Variants in DOK5 observed in about 807,000 individuals in gnomAD.
The protein encoded by DOK5 is docking protein 5.
In DOK5, 27 loss-of-function variants were observed where a neutral mutation model predicts 43.3. The ratio of observed to expected loss-of-function variants is 0.62; its 90% CI spans 0.46 to 0.86. DOK5 has a LOEUF of 0.86. Among genes scored for constraint, DOK5 ranks in the 40% least tolerant of loss-of-function variants. The probability of loss-of-function intolerance (pLI) is 0.00; values close to 1 mark genes in which losing one functional copy is unlikely to be tolerated. For synonymous variants in DOK5, 146 were observed against 140.1 expected (o/e 1.04, Z -0.30); for missense variants, 373 against 392.9 (o/e 0.95, Z 0.43).
At chr20:54,590,175 CT>C (rs1324302899) in intron 4 of DOK5, among the ~76,000 whole-genome samples, 1 of 152,120 alleles carries the variant, frequency 6.6e-6, no homozygotes, top group African/African-American at 2.4e-5. Context: ...TAGGAGATAC[CT>C]TTCCCACAGC....
intron 1 of DOK5, among the ~76,000 whole-genome samples, chr20:54,495,416 C>T (rs1315968307): frequency 6.6e-6 from 1 of 152,112 alleles, no homozygotes; most frequent in African/African-American, 2.4e-5. Flanking sequence ...CCACTTTAAT[C>T]CTGAACAGGG....
chr20:54,515,721 T>G (rs1307971332), intron 1 of DOK5, among the ~76,000 whole-genome samples: 1 of 152,208 alleles, frequency 6.6e-6, no homozygotes, highest in East Asian at 1.9e-4. Context: ...AAGAAAATCA[T>G]TTTTTTGTAT....
intron 1 of DOK5, among the ~76,000 whole-genome samples, chr20:54,506,724 G>A (rs1372651603): frequency 6.6e-6 from 1 of 152,214 alleles, no homozygotes; most frequent in African/African-American, 2.4e-5. Flanking sequence ...GCCTCTCAAA[G>A]TGCTGGGATT....
At chr20:54,506,125 A>C (rs532180899) in intron 1 of DOK5, among the ~76,000 whole-genome samples, 1 of 152,324 alleles carries the variant, frequency 6.6e-6, no homozygotes, top group South Asian at 2.1e-4. Flanking sequence ...CTATATTATA[A>C]AAACAGAGAG....
chr20:54,624,466 T>G (rs1326602812), intron 6 of DOK5, among the ~76,000 whole-genome samples: 1 of 152,140 alleles, frequency 6.6e-6, no homozygotes, highest in Non-Finnish European at 1.5e-5. Flanking sequence ...GCTTAAAGGT[T>G]TGTTGAATGA....
At chr20:54,569,081 CTCTG>C (rs1349720683) in intron 2 of DOK5, among the ~76,000 whole-genome samples, 4 of 150,318 alleles carry the variant, frequency 2.7e-5, no homozygotes, top group African/African-American at 9.8e-5. Flanking sequence ...AAACTCTTTA[CTCTG>C]TCTGCACACA....
chr20:54,496,497 G>A (rs925126355), intron 1 of DOK5, among the ~76,000 whole-genome samples: 10 of 152,188 alleles, frequency 6.6e-5, no homozygotes, highest in African/African-American at 2.2e-4. Context: ...GCTGAGCACG[G>A]TGGCTCATGC....
chr20:54,505,704 A>T (rs546418750), intron 1 of DOK5, among the ~76,000 whole-genome samples: 1 of 152,316 alleles, frequency 6.6e-6, no homozygotes, highest in East Asian at 1.9e-4. Flanking sequence ...AATTAGGGTC[A>T]TTAGGGAACC....
intron 1 of DOK5, among the ~76,000 whole-genome samples, chr20:54,493,052 C>T (rs1437025256): frequency 2.1e-5 from 3 of 140,322 alleles, no homozygotes; most frequent in African/African-American, 5.7e-5. Flanking sequence ...GAGACTCTGT[C>T]CCCCTCCAAA....
intron 1 of DOK5, among the ~76,000 whole-genome samples, chr20:54,531,502 C>T (rs193014546): frequency 1.3e-5 from 2 of 152,280 alleles, no homozygotes; most frequent in Admixed American, 1.3e-4. Flanking sequence ...CAGGGCTTTG[C>T]AATATTCAGC....
At chr20:54,600,764 C>T (rs1442872360) in intron 5 of DOK5, among the ~76,000 whole-genome samples, 3 of 152,160 alleles carry the variant, frequency 2.0e-5, no homozygotes, top group African/African-American at 7.2e-5. Context: ...GACCTGAAGC[C>T]GTTATCTTGA....
At chr20:54,644,548 A>G (rs1286479011) in intron 7 of DOK5, among the ~76,000 whole-genome samples, 2 of 108,648 alleles carry the variant, frequency 1.8e-5, no homozygotes, top group South Asian at 4.0e-4. Flanking sequence ...ACTAAAAAAC[A>G]CAAAAAAATT....
intron 1 of DOK5, among the ~76,000 whole-genome samples, chr20:54,496,714 C>T (rs1020725023): frequency 4.3e-5 from 6 of 138,220 alleles, no homozygotes. Flanking sequence ...TGCAGTGAGC[C>T]GAGATCGCAC....
At chr20:54,649,715 C>A (rs1600769722) in intron 7 of DOK5, among the ~76,000 whole-genome samples, 2 of 152,208 alleles carry the variant, frequency 1.3e-5, no homozygotes, top group Admixed American at 1.3e-4. Context: ...TGAGCCAGAT[C>A]CAGCCTGCTG....
chr20:54,500,851 C>T (rs547450581), intron 1 of DOK5, among the ~76,000 whole-genome samples: 4 of 152,104 alleles, frequency 2.6e-5, no homozygotes, highest in South Asian at 2.1e-4. Context: ...GTGAGCCAAC[C>T]GCACCCGGCC....
intron 1 of DOK5, among the ~76,000 whole-genome samples, chr20:54,481,765 G>A (rs188690220): frequency 5.4e-4 from 82 of 152,302 alleles, no homozygotes; most frequent in African/African-American, 8.2e-4. Flanking sequence ...ATGTGACTGC[G>A]TTAAAATCCC....
chr20:54,541,870 C>T (rs1984172646), intron 1 of DOK5, among the ~76,000 whole-genome samples: 1 of 152,080 alleles, frequency 6.6e-6, no homozygotes, highest in Non-Finnish European at 1.5e-5. Context: ...ATGTGTCTGA[C>T]TCAAGGCCAT....
intron 1 of DOK5, among the ~76,000 whole-genome samples, chr20:54,486,618 T>C (rs1190363400): frequency 2.0e-5 from 3 of 152,078 alleles, no homozygotes; most frequent in Non-Finnish European, 4.4e-5. Flanking sequence ...TTTATTTTTG[T>C]GGTGGAAATA....
intron 5 of DOK5, among the ~76,000 whole-genome samples, chr20:54,594,478 C>T (rs1986075608): frequency 6.6e-6 from 1 of 152,036 alleles, no homozygotes; most frequent in Non-Finnish European, 1.5e-5. Context: ...CCCTTTGGGT[C>T]TCAGAAATTA....
Sources: allele counts gnomAD v4.1 joint callset (sites outside exome capture counted in the v4.1 genomes callset), GRCh38; gene constraint gnomAD v4.1.1; transcripts MANE v1.5; gene names NCBI Gene and HGNC (gene_info 2026-07-23, HGNC 2026-07-21).